NR2C2: variants seen among roughly 807,000 people sequenced by gnomAD.
The protein encoded by NR2C2 is Nuclear hormone receptor TR4.
Under a neutral mutation model 62.9 loss-of-function variants are expected in NR2C2, and 6 were observed. The ratio of observed to expected loss-of-function variants is 0.10; its 90% CI spans 0.05 to 0.19. NR2C2 has a LOEUF of 0.19. Ranked by LOEUF, NR2C2 falls within the 10% of genes least tolerant of loss-of-function variation. The pLI, the probability that NR2C2 is intolerant of heterozygous loss-of-function variation, is 1.00. For synonymous variants in NR2C2, 272 were observed against 273.8 expected (o/e 0.99, Z 0.07); for missense variants, 479 against 762.7 (o/e 0.63, Z 4.38).
rs189127222 is a variant in NR2C2, at chr3:14,965,704, C to T, written c.-40+17798C>T. 1.1e-3 allele frequency among the ~76,000 whole-genome samples: 173 copies of T among 152,032 alleles called. 3 individuals are homozygous for T. The highest frequency in any genetic ancestry group is 4.0e-3 in the African/African-American group (164 of 41,436). ...GAGACAGAGTTTCGCTCTTGTTGCCCAAGCTGTGGAGTGCAATGGCGTGAT... is the reference window on the plus strand; with the variant it reads ...GAGACAGAGTTTCGCTCTTGTTGCCTAAGCTGTGGAGTGCAATGGCGTGAT... On this transcript the variant is annotated intron_variant, in intron 1 of 13. Coordinates refer to ENST00000425241, the MANE Select transcript of NR2C2 (RefSeq NM_001291694.2).
At chr3:14,968,377 T>C (rs1369169261) in intron 1 of NR2C2, among the ~76,000 whole-genome samples, 2 of 151,944 alleles carry the variant, frequency 1.3e-5, no homozygotes, top group East Asian at 3.9e-4. Flanking sequence ...AAAAAACACA[T>C]GAAAAAATGC....
At chr3:15,000,307 G>A (rs2040952794) in intron 1 of NR2C2, among the ~76,000 whole-genome samples, 1 of 152,062 alleles carries the variant, frequency 6.6e-6, no homozygotes, top group Admixed American at 6.6e-5. Flanking sequence ...TTACCATAAT[G>A]TTCTCCAGTT....
intron 1 of NR2C2, among the ~76,000 whole-genome samples, chr3:14,983,512 A>G (rs2040433859): frequency 6.6e-6 from 1 of 151,126 alleles, no homozygotes; most frequent in African/African-American, 2.4e-5. Context: ...GTTTGCTAAC[A>G]TTTTGTTTAG....
chr3:14,996,325 G>A (rs1331725656), intron 1 of NR2C2, among the ~76,000 whole-genome samples: 1 of 152,080 alleles, frequency 6.6e-6, no homozygotes, highest in African/African-American at 2.4e-5. Context: ...AAAATACAAA[G>A]AATTTTCTGT....
intron 1 of NR2C2, among the ~76,000 whole-genome samples, chr3:14,976,602 CTTTTTTTTT>C (rs533538010): frequency 2.2e-5 from 2 of 90,740 alleles, no homozygotes; most frequent in African/African-American, 1.0e-4. Flanking sequence ...TCCTTCCTTC[CTTTTTTTTT>C]TTTTTTTTTT....
At chr3:15,025,902 T>C (rs1241488242) in intron 7 of NR2C2, 1 of 152,292 alleles carries the variant, frequency 6.6e-6, no homozygotes, top group African/African-American at 2.4e-5. Context: ...TGTTGTGATT[T>C]AATCATTTCT....
chr3:14,997,878 C>T (rs1345095214), intron 1 of NR2C2, among the ~76,000 whole-genome samples: 2 of 152,080 alleles, frequency 1.3e-5, no homozygotes, highest in Non-Finnish European at 2.9e-5. Flanking sequence ...CAACCATCAC[C>T]ACTATCTAAA....
intron 1 of NR2C2, among the ~76,000 whole-genome samples, chr3:14,995,016 T>C (rs1312137291): frequency 6.9e-6 from 1 of 145,544 alleles, no homozygotes; most frequent in Non-Finnish European, 1.5e-5. Flanking sequence ...GTTCTCATTC[T>C]GTCACCCAGG....
Position 15,045,840 on chromosome 3 carries a change from A to T in NR2C2, c.*2832A>T, listed in dbSNP as rs2042430699. 6.6e-6 allele frequency: 1 copy of T among 152,280 alleles called. No individual in the cohort carries two copies. Among genetic ancestry groups the T allele is most frequent in the Non-Finnish European group, 1.5e-5 (1 of 68,040 alleles). 9.4% of individuals were successfully genotyped at this position (152,280 alleles called of 1,614,324 possible). On this transcript the variant is annotated 3_prime_UTR_variant, in exon 14 of 14. Transcript: ENST00000425241. ...GAGCCACGTTCATGCTCCCTCTTCT[A>T]CTGGCCTGGCTGCTCCTCCCTCAAT...
At chr3:15,004,941 CAG>C (rs2041125956) in intron 2 of NR2C2, among the ~76,000 whole-genome samples, 1 of 152,170 alleles carries the variant, frequency 6.6e-6, no homozygotes, top group South Asian at 2.1e-4. Context: ...ATTTTTGAGA[CAG>C]AGTCTTGCTA....
intron 2 of NR2C2, among the ~76,000 whole-genome samples, chr3:15,008,222 T>G (rs1403402374): frequency 1.3e-5 from 2 of 151,186 alleles, no homozygotes; most frequent in African/African-American, 2.4e-5. Context: ...GTTTGTTTGT[T>G]TTTTTTTTTA....
chr3:14,947,924 TCGGGCGGGCTCGGGCCGGCGG>T lies in NR2C2; in HGVS notation c.-40+22_-40+42del, dbSNP rs2039172194. 1 of 145,900 alleles carries T rather than the reference TCGGGCGGGCTCGGGCCGGCGG, an allele frequency of 6.9e-6. No individual in the cohort carries two copies. Among genetic ancestry groups the T allele is most frequent in the Non-Finnish European group, 1.5e-5 (1 of 66,138 alleles). The allele number at this position is 145,900 out of a possible 1,614,324, so 9.0% of individuals were successfully genotyped here. The stretch of plus-strand genomic sequence containing the variant: ...ATCCTGAGGTAAAATTGAAAGAGGG[TCGGGCGGGCTCGGGCCGGCGG>T]CGGAGGGGGCGGGCCTGGCGCGCGG... On this transcript the variant is annotated intron_variant, in intron 1 of 13. Coordinates refer to ENST00000425241, the MANE Select transcript of NR2C2 (RefSeq NM_001291694.2).
At chr3:15,004,088 T>A in intron 2 of NR2C2, 102 bp downstream of exon 2, 1 of 850,518 alleles carries the variant, frequency 1.2e-6, no homozygotes, top group Non-Finnish European at 1.8e-6. Flanking sequence ...CTTTTGGGCA[T>A]GAAATACAGT....
chr3:14,976,412 A>G (rs542620270), intron 1 of NR2C2, among the ~76,000 whole-genome samples: 6 of 152,094 alleles, frequency 3.9e-5, no homozygotes, highest in African/African-American at 1.2e-4. Context: ...CTCTCCAGAT[A>G]CTATTTTCTA....
chr3:15,039,008 C>T, intron 12 of NR2C2, 114 bp from the exon 13 acceptor site: 2 of 732,404 alleles, frequency 2.7e-6, no homozygotes, highest in South Asian at 1.7e-5. Flanking sequence ...TCTTTGAGTT[C>T]AATTTGTTGT....
intron 1 of NR2C2, among the ~76,000 whole-genome samples, chr3:14,968,578 G>A (rs942021586): frequency 7.4e-5 from 11 of 149,274 alleles, no homozygotes; most frequent in South Asian, 2.1e-4. Flanking sequence ...ACAGTGTGGC[G>A]ATTCCTCAGG....
intron 2 of NR2C2, among the ~76,000 whole-genome samples, chr3:15,011,579 G>A (rs2041354111): frequency 6.6e-6 from 1 of 152,140 alleles, no homozygotes; most frequent in Non-Finnish European, 1.5e-5. Flanking sequence ...GGGACTCCGG[G>A]CATGCCACAG....
intron 1 of NR2C2, among the ~76,000 whole-genome samples, chr3:14,949,798 A>T (rs892296457): frequency 3.3e-5 from 5 of 152,092 alleles, no homozygotes; most frequent in Non-Finnish European, 5.9e-5. Context: ...CCAAGGTCTC[A>T]CTCTGTCGCC....
intron 7 of NR2C2, among the ~76,000 whole-genome samples, chr3:15,024,632 G>A (rs879606934): frequency 6.6e-6 from 1 of 152,200 alleles, no homozygotes; most frequent in Non-Finnish European, 1.5e-5. Context: ...CCAAAACTTT[G>A]CTAGAGCAGA....
Sources: gnomAD v4.1 joint callset for allele counts (sites outside exome capture counted in the v4.1 genomes callset) on GRCh38, gnomAD v4.1.1 for gene constraint, MANE v1.5 for transcripts, NCBI Gene and HGNC (gene_info 2026-07-23, HGNC 2026-07-21) for gene names.